ADGRB3: variants seen among roughly 807,000 people sequenced by gnomAD.
ADGRB3 encodes the protein brain-specific angiogenesis inhibitor 3.
ADGRB3 carries 37 observed loss-of-function variants against 193.4 expected under a neutral mutation model. The observed-to-expected ratio is 0.19, with a 90% CI of 0.15 to 0.25. The LOEUF is 0.25. ADGRB3 is among the 10% of genes least tolerant of loss of function. The probability of loss-of-function intolerance (pLI) is 1.00; values close to 1 mark genes in which losing one functional copy is unlikely to be tolerated. For missense variants in ADGRB3, 1,637 were observed against 1,852.9 expected, an observed-to-expected ratio of 0.88 and a Z score of 2.14; for synonymous variants, 690 against 644.2, an observed-to-expected ratio of 1.07 and a Z score of -1.08.
chr6:68,762,940 G>C (rs1174882914), intron 3 of ADGRB3, among the ~76,000 whole-genome samples: 1 of 152,160 alleles, frequency 6.6e-6, no homozygotes, highest in East Asian at 1.9e-4. Flanking sequence ...TAAACTCAGA[G>C]TCAGAATTTA....
At chr6:69,124,820 AT>A (rs1210469235) in intron 17 of ADGRB3, among the ~76,000 whole-genome samples, 2 of 151,578 alleles carry the variant, frequency 1.3e-5, no homozygotes, top group Non-Finnish European at 2.9e-5. Flanking sequence ...CACCAAATTA[AT>A]TTTTTTTCTG....
At chr6:68,683,567 A>T (rs1764933472) in intron 3 of ADGRB3, among the ~76,000 whole-genome samples, 1 of 152,092 alleles carries the variant, frequency 6.6e-6, no homozygotes, top group African/African-American at 2.4e-5. Flanking sequence ...TTTTTCTACA[A>T]TATGTATTGC....
At chr6:68,664,238 T>A (rs188344599) in intron 3 of ADGRB3, among the ~76,000 whole-genome samples, 2 of 151,808 alleles carry the variant, frequency 1.3e-5, no homozygotes, top group Admixed American at 6.6e-5. Context: ...GATTTTTTTT[T>A]AGTAGTATGA....
At chr6:68,776,294 C>G (rs1766745524) in intron 3 of ADGRB3, among the ~76,000 whole-genome samples, 1 of 152,028 alleles carries the variant, frequency 6.6e-6, no homozygotes, top group Admixed American at 6.6e-5. Context: ...AAAAGAAATC[C>G]TTGCAAATTT....
At position 69,141,280 on chromosome 6, in the gene ADGRB3, T is replaced by C. The variant is rs1371377159; in HGVS notation, c.2480+65242T>C. Among the ~76,000 whole-genome samples the C allele has an allele frequency of 3.9e-5, 6 of 152,000 alleles. No homozygotes were observed. The South Asian group carries it at 1.0e-3, about 26-fold the overall frequency. ...CTGGGACTACAGGAGCCCGCCACCA[T>C]GCCCGGCTAATTTTTTGTATTTTTA... On this transcript the variant is annotated intron_variant, in intron 17 of 31. Coordinates refer to ENST00000370598, the MANE Select transcript of ADGRB3 (RefSeq NM_001704.3).
chr6:68,683,036 T>G (rs1764924054), intron 3 of ADGRB3, among the ~76,000 whole-genome samples: 1 of 152,054 alleles, frequency 6.6e-6, no homozygotes, highest in Non-Finnish European at 1.5e-5. Flanking sequence ...CCAACCACCT[T>G]GGCCTCCCAA....
At chr6:69,354,362 C>G in intron 27 of ADGRB3, 34 bp downstream of exon 27, 1 of 1,507,574 alleles carries the variant, frequency 6.6e-7, no homozygotes, top group Non-Finnish European at 9.2e-7. Flanking sequence ...TGTTAATTAA[C>G]TCATGATTTC....
At chr6:68,999,661 C>T (rs1769508241) in intron 11 of ADGRB3, among the ~76,000 whole-genome samples, 1 of 152,164 alleles carries the variant, frequency 6.6e-6, no homozygotes, top group Admixed American at 6.5e-5. Flanking sequence ...AAATCCCAGG[C>T]AGATTAAATT....
rs747686874 is a variant in ADGRB3, at chr6:68,686,594, A to G, written c.757+47162A>G. Among the ~76,000 whole-genome samples, 215 of 152,214 alleles carry G rather than the reference A, an allele frequency of 1.4e-3. 2 individuals are homozygous for G. The highest frequency in any genetic ancestry group is 7.9e-4 in the Non-Finnish European group (54 of 68,034). The stretch of plus-strand genomic sequence containing the variant: ...TCTGGCCACAGTGGTTTTAGCACAC[A>G]TCAGTGGAGTTTGCTCAACTTTACT... On this transcript the variant is annotated intron_variant, in intron 3 of 31. Coordinates refer to ENST00000370598, the MANE Select transcript of ADGRB3 (RefSeq NM_001704.3).
chr6:69,143,180 T>C (rs1774388562), intron 17 of ADGRB3, among the ~76,000 whole-genome samples: 1 of 152,218 alleles, frequency 6.6e-6, no homozygotes, highest in Admixed American at 6.5e-5. Flanking sequence ...TTGTACGTCT[T>C]GTTTTGAGAA....
At chr6:69,278,134 A>C (rs986882278) in intron 20 of ADGRB3, among the ~76,000 whole-genome samples, 7 of 152,210 alleles carry the variant, frequency 4.6e-5, no homozygotes, top group African/African-American at 1.7e-4. Flanking sequence ...TTTGAGATGC[A>C]AAATTCATAC....
At chr6:69,005,522 C>A (rs1057384000) in intron 11 of ADGRB3, among the ~76,000 whole-genome samples, 6 of 152,058 alleles carry the variant, frequency 3.9e-5, no homozygotes, top group Non-Finnish European at 8.8e-5. Context: ...TATAAGAAGT[C>A]TTTTTTAAAA....
chr6:69,388,948 T>C lies in ADGRB3; in HGVS notation c.*57T>C, dbSNP rs867966490. ...ACTTTATTGCACTGACACTTAAGAC[T>C]TGGGAAGCCTGACATTTCTATCTGG... On this transcript the variant is annotated 3_prime_UTR_variant, in exon 32 of 32. Transcript: ENST00000370598. 25 of 1,508,846 alleles carry C rather than the reference T, an allele frequency of 1.7e-5. No individual in the cohort carries two copies. The Admixed American group carries it at 2.0e-4, about 12-fold the overall frequency. 93.5% of individuals were successfully genotyped at this position (1,508,846 alleles called of 1,614,324 possible).
At chr6:69,317,106 T>C (rs1333575135) in intron 20 of ADGRB3, among the ~76,000 whole-genome samples, 1 of 151,614 alleles carries the variant, frequency 6.6e-6, no homozygotes, top group Non-Finnish European at 1.5e-5. Context: ...TGTATGTATT[T>C]ATACAAATGA....
intron 3 of ADGRB3, among the ~76,000 whole-genome samples, chr6:68,912,351 T>C (rs1766739519): frequency 6.7e-6 from 1 of 148,312 alleles, no homozygotes; most frequent in Admixed American, 6.6e-5. Context: ...TTTTTTATTA[T>C]TTTATTTTAT....
At position 68,890,202 on chromosome 6, in the gene ADGRB3, T is replaced by A. The variant is rs572996164; in HGVS notation, c.758-40357T>A. Reference sequence around the variant, plus strand: ...TGTTCTTCACTTTGAAAGCCATACTTCATCTTGAGCTAAAGAATTTGAGAA... The same window carrying A: ...TGTTCTTCACTTTGAAAGCCATACTACATCTTGAGCTAAAGAATTTGAGAA... On this transcript the variant is annotated intron_variant, in intron 3 of 31. Coordinates refer to ENST00000370598, the MANE Select transcript of ADGRB3 (RefSeq NM_001704.3). 1.2e-4 allele frequency among the ~76,000 whole-genome samples: 19 copies of A among 152,338 alleles called. No homozygotes were observed. In the South Asian group the frequency reaches 3.7e-3, roughly 30 times the overall value.
At chr6:68,824,664 G>A (rs1767809544) in intron 3 of ADGRB3, among the ~76,000 whole-genome samples, 1 of 148,394 alleles carries the variant, frequency 6.7e-6, no homozygotes, top group South Asian at 2.1e-4. Context: ...ATATATATGT[G>A]TAATCATGCA....
intron 20 of ADGRB3, among the ~76,000 whole-genome samples, chr6:69,277,496 C>T (rs1483001238): frequency 1.3e-5 from 2 of 152,094 alleles, no homozygotes; most frequent in Non-Finnish European, 2.9e-5. Flanking sequence ...AGGGAGTTGG[C>T]ACACCCTAAG....
At chr6:69,070,222 A>T (rs377407579) in intron 16 of ADGRB3, among the ~76,000 whole-genome samples, 2 of 152,340 alleles carry the variant, frequency 1.3e-5, no homozygotes, top group African/African-American at 4.8e-5. Flanking sequence ...GGTACAAAAA[A>T]GTTCTGAAGT....
Sources: allele counts gnomAD v4.1 joint callset (sites outside exome capture counted in the v4.1 genomes callset), GRCh38; gene constraint gnomAD v4.1.1; transcripts MANE v1.5; gene names NCBI Gene and HGNC (gene_info 2026-07-23, HGNC 2026-07-21).